The following KIF6 variants were observed in gnomAD, a reference collection of about 807,000 sequenced individuals.
The protein encoded by KIF6 is kinesin-like protein KIF6.
In KIF6, 106 loss-of-function variants were observed where a neutral mutation model predicts 112.7. The ratio of observed to expected loss-of-function variants is 0.94; its 90% CI spans 0.80 to 1.11. The LOEUF is 1.11. Among genes scored for constraint, KIF6 ranks in the 50% least tolerant of loss-of-function variants. The pLI, the probability that KIF6 is intolerant of heterozygous loss-of-function variation, is 0.00. For synonymous variants in KIF6, 339 were observed against 339.9 expected, an observed-to-expected ratio of 1.00 and a Z score of 0.03; for missense variants, 929 against 964.0, an observed-to-expected ratio of 0.96 and a Z score of 0.48.
chr6:39,493,367 G>A (rs1562262408), intron 13 of KIF6, among the ~76,000 whole-genome samples: 1 of 152,204 alleles, frequency 6.6e-6, no homozygotes, highest in Non-Finnish European at 1.5e-5. Context: ...TGTAATTAAT[G>A]ACAGAGCCAA....
intron 10 of KIF6, among the ~76,000 whole-genome samples, 197 bp from the exon 11 acceptor site, chr6:39,545,885 A>C (rs889461496): frequency 5.9e-5 from 9 of 152,206 alleles, no homozygotes; most frequent in African/African-American, 2.2e-4. Context: ...TATTTGACTA[A>C]TTTCCAGTGA....
At chr6:39,357,154 G>C in intron 19 of KIF6, 123 bp downstream of exon 19, 1 of 624,244 alleles carries the variant, frequency 1.6e-6, no homozygotes. Context: ...AACAGTAAAA[G>C]GAATTAATCC....
At chr6:39,569,351 T>G (rs1780519044) in intron 10 of KIF6, among the ~76,000 whole-genome samples, 2 of 152,216 alleles carry the variant, frequency 1.3e-5, no homozygotes, top group African/African-American at 4.8e-5. Context: ...ATTTTTAAAA[T>G]AGTCTGAGGA....
intron 7 of KIF6, among the ~76,000 whole-genome samples, chr6:39,587,319 T>C (rs146373787): frequency 2.2e-4 from 34 of 152,320 alleles, no homozygotes; most frequent in African/African-American, 8.2e-4. Flanking sequence ...CGCCAATGCC[T>C]GTCATTGTTC....
intron 13 of KIF6, among the ~76,000 whole-genome samples, chr6:39,510,538 C>T (rs1006948478): frequency 2.0e-5 from 3 of 151,940 alleles, no homozygotes; most frequent in Non-Finnish European, 2.9e-5. Context: ...CCAGAGCTCC[C>T]GAAGGAATCA....
intron 2 of KIF6, among the ~76,000 whole-genome samples, chr6:39,717,284 C>CTA (rs1023281799): frequency 1.3e-5 from 2 of 152,144 alleles, no homozygotes; most frequent in African/African-American, 4.8e-5. Context: ...CATGCTTACT[C>CTA]TACTCATGCT....
chr6:39,582,097 T>C (rs1781330715), intron 9 of KIF6, among the ~76,000 whole-genome samples: 1 of 152,210 alleles, frequency 6.6e-6, no homozygotes, highest in Non-Finnish European at 1.5e-5. Flanking sequence ...AGTAACTACA[T>C]TGGCACCCTT....
At chr6:39,337,227 C>CT (rs1157662002) in intron 22 of KIF6, among the ~76,000 whole-genome samples, 2 of 94,900 alleles carry the variant, frequency 2.1e-5, no homozygotes, top group South Asian at 2.9e-4. Flanking sequence ...TTCTTTCTTT[C>CT]TTTCTTTCTT....
At chr6:39,355,286 A>C (rs754258520) in intron 19 of KIF6, among the ~76,000 whole-genome samples, 5 of 152,122 alleles carry the variant, frequency 3.3e-5, no homozygotes, top group African/African-American at 4.8e-5. Flanking sequence ...GTATCTATAT[A>C]CATTAAACAT....
chr6:39,448,009 G>T (rs370049518), intron 13 of KIF6, among the ~76,000 whole-genome samples: 1 of 152,072 alleles, frequency 6.6e-6, no homozygotes, highest in African/African-American at 2.4e-5. Flanking sequence ...TTTCTTCCTG[G>T]CTAAAGCAGT....
At chr6:39,562,017 CA>C (rs1235906159) in intron 10 of KIF6, among the ~76,000 whole-genome samples, 4 of 152,198 alleles carry the variant, frequency 2.6e-5, no homozygotes, top group African/African-American at 9.7e-5. Context: ...AATGAAGCAA[CA>C]AACTTTGGGA....
chr6:39,340,542 GTTTCC>G (rs779802631), intron 22 of KIF6, among the ~76,000 whole-genome samples: 2 of 152,192 alleles, frequency 1.3e-5, no homozygotes, highest in African/African-American at 2.4e-5. Flanking sequence ...GTGTGCCTCA[GTTTCC>G]TTTCCTCACC....
chr6:39,531,632 G>A (rs910647924), intron 13 of KIF6, among the ~76,000 whole-genome samples: 3 of 152,082 alleles, frequency 2.0e-5, no homozygotes, highest in African/African-American at 7.2e-5. Flanking sequence ...AATGTCAATT[G>A]GGGAAATTGT....
At chr6:39,413,709 C>A (rs1002975697) in intron 15 of KIF6, among the ~76,000 whole-genome samples, 2 of 151,954 alleles carry the variant, frequency 1.3e-5, no homozygotes, top group Non-Finnish European at 2.9e-5. Flanking sequence ...AGAACTGAGA[C>A]AAGGAGGGAG....
At chr6:39,469,140 A>G (rs1447994767) in intron 13 of KIF6, among the ~76,000 whole-genome samples, 1 of 152,130 alleles carries the variant, frequency 6.6e-6, no homozygotes, top group Non-Finnish European at 1.5e-5. Flanking sequence ...TGTATATTTT[A>G]AGCCCTAAGC....
In KIF6 at chr6:39,375,423, T is replaced by C. The variant is rs368386441; in HGVS notation, c.1861+10199A>G. Among the ~76,000 whole-genome samples, 8 of 152,348 alleles carry C rather than the reference T, an allele frequency of 5.3e-5. No individual in the cohort carries two copies. In the East Asian group the frequency reaches 1.3e-3, roughly 26 times the overall value. On this transcript the variant is annotated intron_variant, in intron 16 of 22. Transcript: ENST00000287152. ...CTTGATTTAAACATTCTACATTGTA[T>C]ACACATATCACAACATCACAATGTA...
At chr6:39,702,820 ATC>A (rs1293362495) in intron 3 of KIF6, among the ~76,000 whole-genome samples, 4 of 152,200 alleles carry the variant, frequency 2.6e-5, no homozygotes, top group Non-Finnish European at 5.9e-5. Flanking sequence ...AGTTTCATAT[ATC>A]TAATTTAATT....
chr6:39,511,340 A>C (rs1308353041), intron 13 of KIF6, among the ~76,000 whole-genome samples: 5 of 152,238 alleles, frequency 3.3e-5, no homozygotes, highest in Non-Finnish European at 7.3e-5. Flanking sequence ...CATATGTAAA[A>C]ATGCTCGTCA....
chr6:39,534,061 T>C (rs562258917), intron 13 of KIF6, among the ~76,000 whole-genome samples: 1 of 152,284 alleles, frequency 6.6e-6, no homozygotes, highest in East Asian at 1.9e-4. Flanking sequence ...AACCCATCTG[T>C]ACATCAGCAT....
Sources: gnomAD v4.1 joint callset for allele counts (sites outside exome capture counted in the v4.1 genomes callset) on GRCh38, gnomAD v4.1.1 for gene constraint, MANE v1.5 for transcripts, NCBI Gene and HGNC (gene_info 2026-07-23, HGNC 2026-07-21) for gene names.